WWOX: variants seen among roughly 807,000 people sequenced by gnomAD.
WWOX encodes WW domain-containing oxidoreductase.
Under a neutral mutation model 46.2 loss-of-function variants are expected in WWOX, and 69 were observed. That is an observed-to-expected ratio of 1.49 (90% CI 1.23 to 1.82). The LOEUF is 1.82. WWOX is among the 40% of genes most tolerant of loss of function. The pLI is 0.00. For missense variants in WWOX, 919 were observed against 542.6 expected, an observed-to-expected ratio of 1.69 and a Z score of -6.89; for synonymous variants, 359 against 202.6, an observed-to-expected ratio of 1.77 and a Z score of -6.56.
At chr16:78,815,047 G>C (rs530049263) in intron 8 of WWOX, among the ~76,000 whole-genome samples, 2 of 152,170 alleles carry the variant, frequency 1.3e-5, no homozygotes, top group Admixed American at 1.3e-4. Flanking sequence ...CGTCCAGGCC[G>C]GGCACAGTGG....
At chr16:78,166,240 G>A (rs2034966147) in intron 5 of WWOX, among the ~76,000 whole-genome samples, 1 of 151,502 alleles carries the variant, frequency 6.6e-6, no homozygotes, top group South Asian at 2.1e-4. Context: ...TGTTTTAACT[G>A]CTGTATAATA....
intron 8 of WWOX, among the ~76,000 whole-genome samples, chr16:78,859,452 C>CT (rs969255646): frequency 6.6e-6 from 1 of 152,030 alleles, no homozygotes; most frequent in South Asian, 2.1e-4. Context: ...AAAGGAAAAG[C>CT]TTTTTTTACA....
At chr16:79,102,280 G>C (rs998823688) in intron 8 of WWOX, among the ~76,000 whole-genome samples, 22 of 152,138 alleles carry the variant, frequency 1.4e-4, no homozygotes, top group African/African-American at 4.8e-4. Flanking sequence ...TCAGCGTCTT[G>C]TGACTATGGA....
intron 8 of WWOX, among the ~76,000 whole-genome samples, chr16:78,938,190 A>C (rs2045781430): frequency 1.3e-5 from 2 of 152,140 alleles, no homozygotes; most frequent in African/African-American, 2.4e-5. Flanking sequence ...CTGTTTTGAG[A>C]GGAGTGTGAA....
At chr16:78,571,550 A>T (rs117481163) in intron 8 of WWOX, among the ~76,000 whole-genome samples, 2,402 of 152,274 alleles carry the variant, frequency 0.016, 26 homozygotes, top group Non-Finnish European at 0.024. Flanking sequence ...TATTATCGAA[A>T]GGATGTTCAA....
intron 7 of WWOX, among the ~76,000 whole-genome samples, chr16:78,431,891 T>A (rs1239365876): frequency 6.6e-6 from 1 of 151,964 alleles, no homozygotes; most frequent in African/African-American, 2.4e-5. Flanking sequence ...TAATTGTTTA[T>A]TTTTTGTAGA....
intron 8 of WWOX, among the ~76,000 whole-genome samples, chr16:78,593,420 T>C (rs978751030): frequency 6.6e-6 from 1 of 152,162 alleles, no homozygotes; most frequent in Non-Finnish European, 1.5e-5. Flanking sequence ...ACTATCCCAT[T>C]TTCCTTTGCC....
chr16:78,331,015 G>C (rs975484936), intron 5 of WWOX, among the ~76,000 whole-genome samples: 1 of 152,126 alleles, frequency 6.6e-6, no homozygotes, highest in Non-Finnish European at 1.5e-5. Flanking sequence ...CTAAAGATTG[G>C]CGTTAAATTG....
chr16:78,416,499 G>A (rs1236480584), intron 6 of WWOX, among the ~76,000 whole-genome samples: 2 of 152,164 alleles, frequency 1.3e-5, no homozygotes, highest in African/African-American at 2.4e-5. Context: ...TTAATGAAGG[G>A]TATTAAAATT....
chr16:78,257,257 A>T (rs1046870105), intron 5 of WWOX, among the ~76,000 whole-genome samples: 1 of 152,198 alleles, frequency 6.6e-6, no homozygotes, highest in Non-Finnish European at 1.5e-5. Context: ...TCTCTTATGT[A>T]GGAAGGGGAA....
intron 5 of WWOX, among the ~76,000 whole-genome samples, chr16:78,203,418 T>G (rs1347500210): frequency 6.6e-6 from 1 of 152,206 alleles, no homozygotes; most frequent in Non-Finnish European, 1.5e-5. Context: ...GAGAAATTTG[T>G]TAGGTTGTAT....
chr16:78,688,720 C>T lies in WWOX; in HGVS notation c.1056+255968C>T, dbSNP rs982098154. ...GATTGAGGGAGAGTGCTCCTGGCAT[C>T]TGGTGGGTAGGGGTTAGTGATAGGG... On this transcript the variant is annotated intron_variant, in intron 8 of 8. Transcript: ENST00000566780. Among the ~76,000 whole-genome samples, 34 of 152,078 alleles carry T rather than the reference C, an allele frequency of 2.2e-4. 1 individual carries two copies. The highest frequency in any genetic ancestry group is 8.2e-4 in the African/African-American group (34 of 41,402).
chr16:79,004,231 A>C (rs1000807621), intron 8 of WWOX: 1 of 152,164 alleles, frequency 6.6e-6, no homozygotes, highest in African/African-American at 2.4e-5. Context: ...CACATCTAGC[A>C]ATAGAAGGCG....
intron 8 of WWOX, among the ~76,000 whole-genome samples, chr16:78,545,694 T>A (rs55747120): frequency 0.1 from 15,763 of 152,148 alleles, 1,037 homozygotes; most frequent in South Asian, 0.25. Flanking sequence ...TACCACCCAC[T>A]GGGGATATTA....
chr16:79,072,553 A>G (rs1443404871), intron 8 of WWOX, among the ~76,000 whole-genome samples: 1 of 152,200 alleles, frequency 6.6e-6, no homozygotes, highest in Non-Finnish European at 1.5e-5. Context: ...TCATTTTGAC[A>G]TGCTTTTCTG....
intron 8 of WWOX, among the ~76,000 whole-genome samples, chr16:79,012,673 G>A (rs1247227156): frequency 6.6e-6 from 1 of 152,206 alleles, no homozygotes; most frequent in Non-Finnish European, 1.5e-5. Flanking sequence ...CAAATATCCA[G>A]GCAGAATGAA....
chr16:78,885,924 ATTT>A (rs376409155), intron 8 of WWOX, among the ~76,000 whole-genome samples: 6 of 135,706 alleles, frequency 4.4e-5, no homozygotes, highest in Non-Finnish European at 3.1e-5. Context: ...TGGGGATGGA[ATTT>A]TTTTTTTTTT....
chr16:78,539,858 C>T (rs754526145), intron 8 of WWOX, among the ~76,000 whole-genome samples: 1 of 152,144 alleles, frequency 6.6e-6, no homozygotes, highest in African/African-American at 2.4e-5. Context: ...TACTGTACCT[C>T]TATTGGGAAA....
At chr16:78,109,930 A>G (rs2032392003) in intron 3 of WWOX, 95 bp downstream of exon 3, 2 of 1,316,592 alleles carry the variant, frequency 1.5e-6, no homozygotes, top group South Asian at 1.2e-5. Flanking sequence ...AGAAAAATAC[A>G]AAGTATAACA....
Sources: allele counts gnomAD v4.1 joint callset (sites outside exome capture counted in the v4.1 genomes callset), GRCh38; gene constraint gnomAD v4.1.1; transcripts MANE v1.5; gene names NCBI Gene and HGNC (gene_info 2026-07-23, HGNC 2026-07-21).